Variants in MAX observed in about 807,000 individuals in gnomAD.
MAX encodes the protein MYC associated transcriptional regulator X.
A neutral mutation model predicts 22.3 loss-of-function variants in MAX; 3 were observed. That is an observed-to-expected ratio of 0.13 (90% CI 0.06 to 0.35). The LOEUF (loss-of-function observed/expected upper bound fraction) is 0.35. Ranked by LOEUF, MAX falls within the 10% of genes least tolerant of loss-of-function variation. The pLI is 1.00. For missense variants in MAX, 119 were observed against 209.4 expected (o/e 0.57, Z 2.66); for synonymous variants, 72 against 77.7 (o/e 0.93, Z 0.39).
intron 3 of MAX, among the ~76,000 whole-genome samples, chr14:65,024,124 C>T (rs1336553614): frequency 6.6e-6 from 1 of 151,072 alleles, no homozygotes; most frequent in African/African-American, 2.4e-5. Flanking sequence ...AAAAAGAGGA[C>T]TCTCAGACCC....
At chr14:65,018,839 G>A (rs1392212809) in intron 3 of MAX, among the ~76,000 whole-genome samples, 6 of 150,158 alleles carry the variant, frequency 4.0e-5, no homozygotes, top group Admixed American at 1.3e-4. Context: ...GGCCAGGCGC[G>A]GTGGCTCACA....
At chr14:65,067,629 T>TG (rs1297825919) in intron 3 of MAX, among the ~76,000 whole-genome samples, 4 of 151,852 alleles carry the variant, frequency 2.6e-5, no homozygotes, top group African/African-American at 9.7e-5. Context: ...GTTTATGTTT[T>TG]TTTTTTTTTT....
chr14:65,034,396 T>G (rs1185504085), intron 3 of MAX, among the ~76,000 whole-genome samples: 1 of 152,268 alleles, frequency 6.6e-6, no homozygotes, highest in Non-Finnish European at 1.5e-5. Flanking sequence ...GGAGATACAT[T>G]TTTAATATCT....
In MAX at chr14:65,012,513, C is replaced by T; in HGVS notation, c.172-6229G>A. On this transcript the variant is annotated intron_variant, in intron 3 of 3. Coordinates refer to the MAX transcript ENST00000341653. This position sits in a 1 kb window ranked among gnomAD's most constrained non-coding sequence, Gnocchi z 5.0. ...CAGAGTCACTCTTTGTTCTCTGTGG[C>T]TCTGGCAGGAGGTAGGGTGCTGTCA... The T allele has an allele frequency of 7.6e-7, 1 of 1,321,892 alleles. No homozygotes were observed. The highest frequency in any genetic ancestry group is 2.6e-5 in the East Asian group (1 of 39,042). The allele number at this position is 1,321,892 out of a possible 1,614,324, so 81.9% of individuals were successfully genotyped here.
rs1224984665 is a variant in MAX, at chr14:65,029,013, C to CT, written c.172-22730dup. ...ATTTGCTATCTTATTCATTCCAGCA[C>CT]TTTTTTTTTCCCTATGCTCTTTATT... On this transcript the variant is annotated intron_variant, in intron 3 of 3. Coordinates refer to the MAX transcript ENST00000341653. This position sits in a 1 kb window ranked among gnomAD's most constrained non-coding sequence, Gnocchi z 4.7. 1.3e-4 allele frequency among the ~76,000 whole-genome samples: 19 copies of CT among 151,686 alleles called. No homozygotes were observed. The highest frequency in any genetic ancestry group is 7.7e-4 in the East Asian group (4 of 5,176).
chr14:65,052,419 G>C (rs918560092), intron 3 of MAX, among the ~76,000 whole-genome samples: 7 of 152,008 alleles, frequency 4.6e-5, no homozygotes, highest in African/African-American at 1.7e-4. Flanking sequence ...TTTTAGCCCA[G>C]GTATCAAAAT....
At chr14:65,089,729 A>G (rs2139843443) in intron 3 of MAX, among the ~76,000 whole-genome samples, 1 of 142,688 alleles carries the variant, frequency 7.0e-6, no homozygotes, top group East Asian at 2.1e-4. Flanking sequence ...CACTTAAATA[A>G]TACTTTCTAT....
chr14:65,045,563 G>A (rs189489913), intron 3 of MAX, among the ~76,000 whole-genome samples: 53 of 151,970 alleles, frequency 3.5e-4, no homozygotes, highest in Non-Finnish European at 1.0e-4. Context: ...CTACAGGCGC[G>A]TGCCACCACA....
rs2139760379 is a variant in MAX at position 65,078,513 on chromosome 14, T to C, written c.172-477A>G. 6.8e-6 allele frequency among the ~76,000 whole-genome samples: 1 copy of C among 147,366 alleles called. No homozygotes were observed. The highest frequency in any genetic ancestry group is 2.1e-4 in the South Asian group (1 of 4,662). On this transcript the variant is annotated intron_variant, in intron 3 of 4. Coordinates refer to ENST00000358664, the MANE Select transcript of MAX (RefSeq NM_002382.5). The surrounding 1 kb of genome is among the most constrained non-coding windows in gnomAD (Gnocchi z 6.4). Reference sequence around the variant, plus strand: ...GGTGTGAGCCACTGCGCCCAGCCTGTTGTTGTTGTTGTTGTTGTTGTTTTT... The same window carrying C: ...GGTGTGAGCCACTGCGCCCAGCCTGCTGTTGTTGTTGTTGTTGTTGTTTTT...
At chr14:65,039,163 C>T (rs1008329464) in intron 3 of MAX, among the ~76,000 whole-genome samples, 2 of 152,164 alleles carry the variant, frequency 1.3e-5, no homozygotes, top group African/African-American at 4.8e-5. Context: ...AGGATCAAGC[C>T]ATTCATTGGG....
intron 3 of MAX, among the ~76,000 whole-genome samples, chr14:65,019,048 C>T (rs1180118552): frequency 6.6e-6 from 1 of 152,130 alleles, no homozygotes; most frequent in African/African-American, 2.4e-5. Flanking sequence ...TCTGTTACTG[C>T]ACTCCCGGCT....
At chr14:65,089,494 A>G (rs1180119503) in intron 3 of MAX, among the ~76,000 whole-genome samples, 1 of 152,110 alleles carries the variant, frequency 6.6e-6, no homozygotes, top group Non-Finnish European at 1.5e-5. Context: ...CTGTAGAGCT[A>G]CAAATGGCAA....
intron 3 of MAX, chr14:65,061,389 C>A: frequency 6.3e-7 from 1 of 1,589,046 alleles, no homozygotes; most frequent in Non-Finnish European, 8.6e-7. Context: ...ATACATACTG[C>A]ATTCTGTGCT....
intron 3 of MAX, among the ~76,000 whole-genome samples, chr14:65,021,167 A>G (rs2061879620): frequency 6.6e-6 from 1 of 152,226 alleles, no homozygotes; most frequent in Admixed American, 6.5e-5. Context: ...TCTAATGAGA[A>G]TCCCATTCTT....
At chr14:65,048,048 T>G (rs1346996696) in intron 3 of MAX, among the ~76,000 whole-genome samples, 1 of 134,278 alleles carries the variant, frequency 7.4e-6, no homozygotes, top group Non-Finnish European at 1.5e-5. Flanking sequence ...AGTGCAGTGG[T>G]GCAATCTCGG....
intron 3 of MAX, among the ~76,000 whole-genome samples, chr14:65,034,779 ATC>A (rs2062153018): frequency 6.6e-6 from 1 of 152,206 alleles, no homozygotes; most frequent in Non-Finnish European, 1.5e-5. Context: ...GAATTTCCAC[ATC>A]TGTGTGTCCT....
rs1189127080 is a variant in MAX at position 65,063,995 on chromosome 14, T to A, written c.171+29713A>T. ...CTCTGTATCCAGGTGGGCTCCAGTT[T>A]CACCCTTAGGCCCACCTTGAACACC... On this transcript the variant is annotated intron_variant, in intron 3 of 3. Coordinates refer to the MAX transcript ENST00000341653. Among the ~76,000 whole-genome samples, 10 of 152,294 alleles carry A rather than the reference T, an allele frequency of 6.6e-5. No homozygotes were observed. In the East Asian group the frequency reaches 1.9e-3, roughly 29 times the overall value.
Position 65,012,123 on chromosome 14 carries a change from A to G in MAX, c.172-5839T>C. 1.7e-6 allele frequency: 1 copy of G among 582,548 alleles called. No individual in the cohort carries two copies. 36.1% of individuals were successfully genotyped at this position (582,548 alleles called of 1,614,324 possible). On this transcript the variant is annotated intron_variant, in intron 3 of 3. Transcript: ENST00000341653. The surrounding 1 kb of genome is among the most constrained non-coding windows in gnomAD (Gnocchi z 5.0). ...GGCATGGTTTTCAGATGCTTTAGAG[A>G]CATTCAGACAAGAGCTTCTTTTCTC...
intron 1 of MAX, 150 bp downstream of exon 1, chr14:65,102,154 C>G (rs1192174167): frequency 7.0e-7 from 1 of 1,434,332 alleles, no homozygotes; most frequent in East Asian, 2.5e-5. Context: ...GGGAGCGAAC[C>G]GGGAACGCGA....
Sources: gnomAD v4.1 joint callset for allele counts (sites outside exome capture counted in the v4.1 genomes callset) on GRCh38, gnomAD v4.1.1 for gene constraint, Gnocchi (gnomAD v3.1) non-coding constraint, MANE v1.5 for transcripts, NCBI Gene and HGNC (gene_info 2026-07-23, HGNC 2026-07-21) for gene names.